Variants in FADS1 observed in about 807,000 individuals in gnomAD.
FADS1 encodes fatty acid desaturase 1, also known as acyl-CoA (8-3)-desaturase.
A neutral mutation model predicts 61.6 loss-of-function variants in FADS1; 17 were observed. The ratio of observed to expected loss-of-function variants is 0.28; its 90% CI spans 0.19 to 0.41. The LOEUF (loss-of-function observed/expected upper bound fraction) is 0.41, where lower values mean the gene tolerates loss of function less well. Ranked by LOEUF, FADS1 falls within the 10% of genes least tolerant of loss-of-function variation. FADS1 has a pLI of 1.00. For missense variants in FADS1, 387 were observed against 650.9 expected (o/e 0.59, Z 4.41); for synonymous variants, 238 against 258.7 (o/e 0.92, Z 0.77).
At chr11:61,810,322 C>T (rs1410806879) in intron 5 of FADS1, among the ~76,000 whole-genome samples, 1 of 152,084 alleles carries the variant, frequency 6.6e-6, no homozygotes, top group Admixed American at 6.5e-5. Flanking sequence ...ACAGTCCAGC[C>T]CTGGACAGAG....
chr11:61,811,096 CTG>C (rs764684615), intron 3 of FADS1, 21 bp from the exon 4 acceptor site: 28 of 1,587,256 alleles, frequency 1.8e-5, no homozygotes, highest in Non-Finnish European at 2.3e-5. Flanking sequence ...AGAGTCAACA[CTG>C]AGAGCAGCCC....
In FADS1 at chr11:61,806,843, T is replaced by C. The variant is rs555614674; in HGVS notation, c.916-119A>G. ...CAGGGCTGACAGCTTGTTGGTGCTA[T>C]TGGAAAGCTCCAAGAGGCCCAGCCT... On this transcript the variant is annotated intron_variant, in intron 5 of 11. Transcript: ENST00000350997. 1.4e-5 allele frequency: 13 copies of C among 896,568 alleles called. No individual in the cohort carries two copies. The East Asian group carries it at 1.7e-4, about 12-fold the overall frequency. 55.5% of individuals were successfully genotyped at this position (896,568 alleles called of 1,614,324 possible).
chr11:61,805,603 G>A (rs568602481), intron 6 of FADS1: 16 of 152,250 alleles, frequency 1.1e-4, no homozygotes, highest in African/African-American at 2.9e-4. Flanking sequence ...TTCTCTATTC[G>A]TGATAGTTGG....
rs1275180200 is a variant in FADS1, at chr11:61,800,180, A to G, written c.*2231T>C. On this transcript the variant is annotated 3_prime_UTR_variant, in exon 12 of 12. Coordinates refer to ENST00000350997, the MANE Select transcript of FADS1 (RefSeq NM_013402.7). ...AAGCCAATGGAGGTACAACTCCTCA[A>G]TTCTAAGTTTTTGTTGTTTTTTTTT... 6.6e-6 allele frequency: 1 copy of G among 152,614 alleles called. No homozygotes were observed. The highest frequency in any genetic ancestry group is 6.6e-5 in the Admixed American group (1 of 15,262). The allele number at this position is 152,614 out of a possible 1,614,324, so 9.5% of individuals were successfully genotyped here.
intron 5 of FADS1, among the ~76,000 whole-genome samples, chr11:61,807,789 C>T (rs982152543): frequency 1.3e-5 from 2 of 152,228 alleles, no homozygotes; most frequent in African/African-American, 2.4e-5. Flanking sequence ...CACAAGGGCA[C>T]AAGAGGAGCA....
At chr11:61,808,168 C>G (rs1419921095) in intron 5 of FADS1, among the ~76,000 whole-genome samples, 1 of 152,006 alleles carries the variant, frequency 6.6e-6, no homozygotes, top group African/African-American at 2.4e-5. Flanking sequence ...AAACCACGTC[C>G]CTACTAAAAG....
Position 61,811,037 on chromosome 11 carries a change from C to G in FADS1, c.723G>C (p.Leu241=), listed in dbSNP as rs764453334. Residue 241 remains leucine (L), a synonymous_variant, in exon 4 of 12, where the codon CTG becomes CTC. Transcript: ENST00000350997. The part of the protein sequence containing the change: ...AGWLQHDFGH[L]SVFSTSKWNH... ...TCCACTTTGAGGTGCTGAAGACCGA[C>G]AGGTGCCCAAAGTCATGCTGCAGCC... 1.9e-6 allele frequency: 3 copies of G among 1,614,004 alleles called. No individual in the cohort carries two copies. Among genetic ancestry groups the G allele is most frequent in the Non-Finnish European group, 2.5e-6 (3 of 1,180,020 alleles).
rs748708405 is a variant in FADS1, at chr11:61,802,769, T to G, written c.1454+32A>C. On this transcript the variant is annotated intron_variant, in intron 11 of 11. Coordinates refer to ENST00000350997, the MANE Select transcript of FADS1 (RefSeq NM_013402.7). This position sits in a 1 kb window ranked among gnomAD's most constrained non-coding sequence, Gnocchi z 4.2. ...CCATTGCCCTGCCCTCTTCCCTCCC[T>G]ACTAGCCATCTTCCTGGTCTCAGAT... 3 of 1,613,806 alleles carry G rather than the reference T, an allele frequency of 1.9e-6. No individual in the cohort carries two copies. In the East Asian group the frequency reaches 6.7e-5, roughly 36 times the overall value.
At position 61,816,455 on chromosome 11, in the gene FADS1, C is replaced by T; in HGVS notation, c.375+100G>A. 1 of 1,600,190 alleles carries T rather than the reference C, an allele frequency of 6.2e-7. No individual in the cohort carries two copies. Among genetic ancestry groups the T allele is most frequent in the Non-Finnish European group, 8.5e-7 (1 of 1,179,738 alleles). On this transcript the variant is annotated intron_variant, in intron 1 of 11. Coordinates refer to ENST00000350997, the MANE Select transcript of FADS1 (RefSeq NM_013402.7). This position sits in a 1 kb window ranked among gnomAD's most constrained non-coding sequence, Gnocchi z 7.0. ...TGATCAGGCGCCTCCGGGCTTTCCT[C>T]CGAATTAGTCGGTGTTTGGCTCGGA...
At chr11:61,813,439 C>G in intron 1 of FADS1, 86 bp from the exon 2 acceptor site, 1 of 756,300 alleles carries the variant, frequency 1.3e-6, no homozygotes, top group Non-Finnish European at 2.3e-6. Flanking sequence ...TCCTCCTGCC[C>G]GCCAGAAGGC....
rs983102281 is a variant in FADS1, at chr11:61,801,203, C to T, written c.*1208G>A. 2.0e-5 allele frequency: 3 copies of T among 152,298 alleles called. No homozygotes were observed. Among genetic ancestry groups the T allele is most frequent in the Admixed American group, 2.0e-4 (3 of 15,272 alleles). The allele number at this position is 152,298 out of a possible 1,614,324, so 9.4% of individuals were successfully genotyped here. A position where few individuals can be genotyped will look rare whatever the true frequency, so the allele number is the denominator to read the frequency against. Reference sequence around the variant, plus strand: ...TTATAGCCCTTACATTCTTTATGACCGAAATCTGTGTCTTTCCTCATGACT... The same window carrying T: ...TTATAGCCCTTACATTCTTTATGACTGAAATCTGTGTCTTTCCTCATGACT... On this transcript the variant is annotated 3_prime_UTR_variant, in exon 12 of 12. Transcript: ENST00000350997.
chr11:61,808,727 T>G (rs1038836974), intron 5 of FADS1, among the ~76,000 whole-genome samples: 3 of 152,180 alleles, frequency 2.0e-5, no homozygotes, highest in African/African-American at 4.8e-5. Flanking sequence ...TCAGTTAATG[T>G]TGCTCGAGAT....
Position 61,803,708 on chromosome 11 carries a change from C to T in FADS1, c.1113G>A (p.Leu371=), listed in dbSNP as rs766160751. ...VRFFLTYVPL[L]GLKAFLGLFF... is the part of the protein sequence containing the mutation. ...AAAGGCCCAGGAAGGCTTTCAGCCC[C>T]AATAGTGGCACATAAGTGAGGAAGA... The change falls in exon 8 of 12, where the codon TTG becomes TTA. Residue 371 remains leucine, a synonymous_variant. Transcript: ENST00000350997. The surrounding 1 kb of genome is among the most constrained non-coding windows in gnomAD (Gnocchi z 4.3). 6.2e-7 allele frequency: 1 copy of T among 1,613,936 alleles called. No individual in the cohort carries two copies. Among genetic ancestry groups the T allele is most frequent in the South Asian group, 1.1e-5 (1 of 91,076 alleles).
chr11:61,816,779 G>T lies in FADS1; in HGVS notation c.151C>A (p.Arg51Ser), dbSNP rs1449673271. ...GCCATAGCTGGCCTGGCGACGCCGC[G>T]CGCCGGGCCAGCAGGGGCTGTCAGG... Reference protein sequence around the residue: ...TRLTAPAGPARGVARPAMAPD... With the variant: ...TRLTAPAGPASGVARPAMAPD... The change falls in exon 1 of 12, where the codon CGC (arginine) becomes AGC (serine). Residue 51 changes from arginine (R) to serine (S), a missense_variant. Transcript: ENST00000350997. This position sits in a 1 kb window ranked among gnomAD's most constrained non-coding sequence, Gnocchi z 7.0. 2.0e-6 allele frequency: 3 copies of T among 1,520,322 alleles called. No individual in the cohort carries two copies. In the East Asian group the frequency reaches 7.6e-5, roughly 38 times the overall value. 94.2% of individuals were successfully genotyped at this position (1,520,322 alleles called of 1,614,324 possible).
rs1267254734 is a variant in FADS1, at chr11:61,799,924, CTG to C, written c.*2485_*2486del. 1 of 152,808 alleles carries C rather than the reference CTG, an allele frequency of 6.5e-6. No homozygotes were observed. The highest frequency in any genetic ancestry group is 6.5e-5 in the Admixed American group (1 of 15,292). 9.5% of individuals were successfully genotyped at this position (152,808 alleles called of 1,614,324 possible). A position where few individuals can be genotyped will look rare whatever the true frequency, so the allele number is the denominator to read the frequency against. On this transcript the variant is annotated 3_prime_UTR_variant, in exon 12 of 12. Coordinates refer to ENST00000350997, the MANE Select transcript of FADS1 (RefSeq NM_013402.7). ...TTGTAACATTCCGAGCCTTTTGTCA[CTG>C]TGTGTCCCTTTGTGGCCATGTAAGA... is the stretch of plus-strand genomic sequence containing the variant.
intron 6 of FADS1, 93 bp from the exon 7 acceptor site, chr11:61,804,854 G>C (rs1192135438): frequency 9.3e-7 from 1 of 1,075,702 alleles, no homozygotes. Flanking sequence ...CTAGCAGGGG[G>C]CTGCCTCTTC....
Position 61,816,226 on chromosome 11 carries a change from C to T in FADS1, c.375+329G>A, listed in dbSNP as rs1413208080. Reference sequence around the variant, plus strand: ...GCATCCTTGCTCTCCTCCCTCCTAGCCTACCCAGCTCGGGGTTCTGTCCCC... The same window carrying T: ...GCATCCTTGCTCTCCTCCCTCCTAGTCTACCCAGCTCGGGGTTCTGTCCCC... On this transcript the variant is annotated intron_variant, in intron 1 of 11. Transcript: ENST00000350997. The surrounding 1 kb of genome is among the most constrained non-coding windows in gnomAD (Gnocchi z 7.0). 45 of 1,590,144 alleles carry T rather than the reference C, an allele frequency of 2.8e-5. No individual in the cohort carries two copies. The East Asian group carries it at 9.8e-4, about 35-fold the overall frequency.
At chr11:61,805,091 T>A (rs908017880) in intron 6 of FADS1, 3 of 454,146 alleles carry the variant, frequency 6.6e-6, no homozygotes, top group African/African-American at 5.9e-5. Context: ...TTATTTTTCA[T>A]TTTTCTTCTC....
rs969355851 is a variant in FADS1 at position 61,816,327 on chromosome 11, G to T, written c.375+228C>A. On this transcript the variant is annotated intron_variant, in intron 1 of 11. Transcript: ENST00000350997. The surrounding 1 kb of genome is among the most constrained non-coding windows in gnomAD (Gnocchi z 7.0). ...CGGGACCCTTTGTTTGTGTGTGCGT[G>T]TTGTTGGCCTCCATCCCCACTCCCC... is the stretch of plus-strand genomic sequence containing the variant. 15 of 1,598,312 alleles carry T rather than the reference G, an allele frequency of 9.4e-6. No individual in the cohort carries two copies. The highest frequency in any genetic ancestry group is 4.0e-5 in the African/African-American group (3 of 74,912).
Sources: allele counts gnomAD v4.1 joint callset (sites outside exome capture counted in the v4.1 genomes callset), GRCh38; gene constraint gnomAD v4.1.1; non-coding constraint Gnocchi (gnomAD v3.1); transcripts MANE v1.5; gene names NCBI Gene and HGNC (gene_info 2026-07-23, HGNC 2026-07-21).